The following CCSER1 variants were observed in gnomAD, a reference collection of about 807,000 sequenced individuals.
CCSER1 encodes coiled-coil serine rich protein 1, also known as serine-rich coiled-coil domain-containing protein 1.
CCSER1 carries 41 observed loss-of-function variants against 82.0 expected under a neutral mutation model. That is an observed-to-expected ratio of 0.50 (90% CI 0.39 to 0.65). CCSER1 has a LOEUF of 0.65. Among genes scored for constraint, CCSER1 ranks in the 30% least tolerant of loss-of-function variants. CCSER1 has a pLI of 0.00. For missense variants in CCSER1, 1,119 were observed against 1,064.2 expected, an observed-to-expected ratio of 1.05 and a Z score of -0.72; for synonymous variants, 414 against 383.9, an observed-to-expected ratio of 1.08 and a Z score of -0.92.
At chr4:90,668,436 TC>T (rs1317523716) in intron 6 of CCSER1, among the ~76,000 whole-genome samples, 3 of 152,202 alleles carry the variant, frequency 2.0e-5, no homozygotes, top group Non-Finnish European at 2.9e-5. Context: ...GCCATTTAGT[TC>T]AAATTACGCG....
intron 1 of CCSER1, among the ~76,000 whole-genome samples, chr4:90,279,947 A>T (rs377159751): frequency 6.6e-6 from 1 of 152,066 alleles, no homozygotes; most frequent in Non-Finnish European, 1.5e-5. Context: ...CTCTGCCAAG[A>T]CAACCCAAGC....
rs11721694 is a variant in CCSER1 at position 91,302,043 on chromosome 4, T to G, written c.2217+216049T>G. 4.5e-4 allele frequency among the ~76,000 whole-genome samples: 69 copies of G among 151,988 alleles called. 1 individual carries two copies. The East Asian group carries it at 7.4e-3, about 16-fold the overall frequency. On this transcript the variant is annotated intron_variant, in intron 10 of 10. Transcript: ENST00000509176. ...TCTTAAATGGTGCTCTGACACATAT[T>G]GCTTAATAATAACTCAGTTCCAACA...
At chr4:91,213,058 A>G (rs1736955193) in intron 10 of CCSER1, among the ~76,000 whole-genome samples, 1 of 152,146 alleles carries the variant, frequency 6.6e-6, no homozygotes, top group Non-Finnish European at 1.5e-5. Context: ...TGTTATTGCA[A>G]ATGACATGAT....
intron 5 of CCSER1, among the ~76,000 whole-genome samples, chr4:90,563,037 T>C (rs1014099773): frequency 6.6e-6 from 1 of 152,080 alleles, no homozygotes; most frequent in African/African-American, 2.4e-5. Flanking sequence ...TTACCATTTC[T>C]AAAAATTATT....
intron 10 of CCSER1, among the ~76,000 whole-genome samples, chr4:91,255,144 G>T (rs1290735918): frequency 6.6e-6 from 1 of 152,118 alleles, no homozygotes. Flanking sequence ...ATATTGATAA[G>T]TTCTCTGTAA....
intron 5 of CCSER1, among the ~76,000 whole-genome samples, chr4:90,479,256 C>T (rs529046919): frequency 6.6e-6 from 1 of 152,218 alleles, no homozygotes; most frequent in Non-Finnish European, 1.5e-5. Flanking sequence ...TGATGATTAT[C>T]ACAATCAGTA....
intron 10 of CCSER1, among the ~76,000 whole-genome samples, chr4:91,163,868 G>T (rs1560482201): frequency 6.6e-6 from 1 of 152,244 alleles, no homozygotes; most frequent in East Asian, 1.9e-4. Flanking sequence ...ACACTGATGG[G>T]TCTTGACTCT....
intron 5 of CCSER1, among the ~76,000 whole-genome samples, chr4:90,607,979 T>C (rs1382471870): frequency 1.3e-5 from 2 of 152,224 alleles, no homozygotes; most frequent in Non-Finnish European, 2.9e-5. Context: ...CTATATCCTG[T>C]GTGCACTCCA....
At chr4:91,312,848 TAGA>T in intron 10 of CCSER1, among the ~76,000 whole-genome samples, 1 of 152,006 alleles carries the variant, frequency 6.6e-6, no homozygotes, top group Non-Finnish European at 1.5e-5. Flanking sequence ...ATACAATTTT[TAGA>T]AGGAGATAAA....
intron 8 of CCSER1, among the ~76,000 whole-genome samples, chr4:90,869,986 T>A (rs1291874533): frequency 6.6e-6 from 1 of 151,984 alleles, no homozygotes; most frequent in Non-Finnish European, 1.5e-5. Context: ...CTTTCTAGAT[T>A]TCTTTTTCAG....
chr4:90,713,081 C>CT (rs1207262745), intron 6 of CCSER1, among the ~76,000 whole-genome samples: 1 of 151,680 alleles, frequency 6.6e-6, no homozygotes, highest in East Asian at 1.9e-4. Flanking sequence ...ACCGATGGGT[C>CT]TTTTTTCTTT....
intron 1 of CCSER1, among the ~76,000 whole-genome samples, chr4:90,158,371 C>A (rs1337083060): frequency 6.6e-6 from 1 of 152,184 alleles, no homozygotes; most frequent in African/African-American, 2.4e-5. Flanking sequence ...CTCAGATCTC[C>A]AGCTGCGTGC....
intron 1 of CCSER1, among the ~76,000 whole-genome samples, chr4:90,284,423 T>C (rs1729460994): frequency 6.6e-6 from 1 of 152,068 alleles, no homozygotes; most frequent in African/African-American, 2.4e-5. Flanking sequence ...CCTGGATTGT[T>C]TCCCCAATGT....
intron 10 of CCSER1, among the ~76,000 whole-genome samples, chr4:91,123,876 G>A (rs1443141482): frequency 6.6e-6 from 1 of 151,724 alleles, no homozygotes; most frequent in Non-Finnish European, 1.5e-5. Context: ...CAATGATATA[G>A]TGTCATCCTA....
At chr4:91,502,441 A>T (rs565609262) in intron 10 of CCSER1, among the ~76,000 whole-genome samples, 1 of 152,186 alleles carries the variant, frequency 6.6e-6, no homozygotes, top group African/African-American at 2.4e-5. Context: ...TTCTTGGCAT[A>T]TAATAATAAT....
At chr4:91,418,967 C>T (rs567857266) in intron 10 of CCSER1, among the ~76,000 whole-genome samples, 162 of 152,048 alleles carry the variant, frequency 1.1e-3, no homozygotes, top group African/African-American at 3.7e-3. Context: ...TGTAATATAT[C>T]ACATTTACAA....
intron 7 of CCSER1, among the ~76,000 whole-genome samples, chr4:90,743,271 G>T (rs561459905): frequency 6.6e-6 from 1 of 151,412 alleles, no homozygotes; most frequent in Non-Finnish European, 1.5e-5. Flanking sequence ...GAAATTAGAA[G>T]GTAAACAATT....
intron 10 of CCSER1, among the ~76,000 whole-genome samples, chr4:91,188,499 C>A (rs1734749954): frequency 6.6e-6 from 1 of 152,188 alleles, no homozygotes; most frequent in African/African-American, 2.4e-5. Context: ...AAGTTGACCT[C>A]TTACAATTAT....
Position 90,473,974 on chromosome 4 carries a change from G to T in CCSER1, c.1724+5620G>T, listed in dbSNP as rs186839235. 3.3e-5 allele frequency among the ~76,000 whole-genome samples: 5 copies of T among 152,096 alleles called. No homozygotes were observed. In the East Asian group the frequency reaches 5.8e-4, roughly 18 times the overall value. On this transcript the variant is annotated intron_variant, in intron 5 of 10. Transcript: ENST00000509176. ...TTGAAAAGCAGGTGAAATCCCTTCTGTACTAAAAATACAAAAATTAGCTGG... is the reference window on the plus strand; with the variant it reads ...TTGAAAAGCAGGTGAAATCCCTTCTTTACTAAAAATACAAAAATTAGCTGG...
Sources: allele counts gnomAD v4.1 joint callset (sites outside exome capture counted in the v4.1 genomes callset), GRCh38; gene constraint gnomAD v4.1.1; transcripts MANE v1.5; gene names NCBI Gene and HGNC (gene_info 2026-07-23, HGNC 2026-07-21).